ERICH3: variants seen among roughly 807,000 people sequenced by gnomAD.
The protein encoded by ERICH3 is glutamate rich 3, also known as glutamate-rich protein 3.
A neutral mutation model predicts 131.1 loss-of-function variants in ERICH3; 126 were observed. That is an observed-to-expected ratio of 0.96 (90% CI 0.83 to 1.11). The LOEUF (loss-of-function observed/expected upper bound fraction) is 1.11. ERICH3 is among the 50% of genes most tolerant of loss of function. ERICH3 has a pLI of 0.00. For synonymous variants in ERICH3, 695 were observed against 644.6 expected, an observed-to-expected ratio of 1.08 and a Z score of -1.18; for missense variants, 2,050 against 1,810.7, an observed-to-expected ratio of 1.13 and a Z score of -2.40.
chr1:74,598,310 C>T (rs1461663324), intron 11 of ERICH3, among the ~76,000 whole-genome samples: 1 of 151,678 alleles, frequency 6.6e-6, no homozygotes, highest in Non-Finnish European at 1.5e-5. Context: ...TTTAAAAAAA[C>T]TCATAAATTT....
At chr1:74,626,399 G>A (rs1649416397) in intron 7 of ERICH3, among the ~76,000 whole-genome samples, 1 of 152,152 alleles carries the variant, frequency 6.6e-6, no homozygotes, top group South Asian at 2.1e-4. Flanking sequence ...GGCTTATTTG[G>A]TACCTAGGAG....
upstream of ERICH3, among the ~76,000 whole-genome samples, chr1:74,674,273 A>G (rs1367368563): frequency 6.6e-6 from 1 of 152,116 alleles, no homozygotes; most frequent in Non-Finnish European, 1.5e-5. Context: ...GATGGGGGAG[A>G]CGCAGTTATT....
At chr1:74,645,788 A>T (rs534261210) in intron 3 of ERICH3, among the ~76,000 whole-genome samples, 3 of 152,278 alleles carry the variant, frequency 2.0e-5, no homozygotes, top group African/African-American at 7.2e-5. Context: ...GATCATACAC[A>T]TCTTAAGTGA....
chr1:74,612,918 G>A (rs1443145072), intron 8 of ERICH3, 109 bp from the exon 9 acceptor site: 1 of 952,374 alleles, frequency 1.1e-6, no homozygotes, highest in South Asian at 2.6e-5. Context: ...TAGATCAGGG[G>A]TGTCCAATCT....
chr1:74,576,416 C>T (rs1365373914), intron 13 of ERICH3, among the ~76,000 whole-genome samples: 1 of 152,126 alleles, frequency 6.6e-6, no homozygotes, highest in Non-Finnish European at 1.5e-5. Context: ...ATCATGGTGC[C>T]TCTCCTGTAA....
intron 12 of ERICH3, among the ~76,000 whole-genome samples, chr1:74,580,989 T>C (rs1647167396): frequency 6.6e-6 from 1 of 152,224 alleles, no homozygotes; most frequent in South Asian, 2.1e-4. Flanking sequence ...AACATAAATG[T>C]TTTGTCATAT....
intron 1 of ERICH3, among the ~76,000 whole-genome samples, chr1:74,672,089 G>C (rs1285828095): frequency 6.6e-6 from 1 of 152,088 alleles, no homozygotes; most frequent in Non-Finnish European, 1.5e-5. Flanking sequence ...TTAATCAATA[G>C]CTACATTTTT....
chr1:74,649,156 G>C (rs1269432179), intron 2 of ERICH3, 66 bp downstream of exon 2: 6 of 1,141,116 alleles, frequency 5.3e-6, no homozygotes, highest in Non-Finnish European at 7.5e-6. Context: ...GAGAAAGCCT[G>C]AAAAGGTAGG....
intron 11 of ERICH3, among the ~76,000 whole-genome samples, chr1:74,599,193 A>G (rs1433906221): frequency 6.6e-6 from 1 of 151,988 alleles, no homozygotes; most frequent in African/African-American, 2.4e-5. Flanking sequence ...TTTTCAATGT[A>G]ATTGGAACAC....
chr1:74,649,141 T>C, intron 2 of ERICH3, 81 bp downstream of exon 2: 1 of 954,610 alleles, frequency 1.0e-6, no homozygotes, highest in Non-Finnish European at 1.6e-6. Context: ...AAGATGTCAC[T>C]CAAAGAGAAA....
At chr1:74,604,435 T>C (rs960702124) in intron 10 of ERICH3, among the ~76,000 whole-genome samples, 28 of 151,984 alleles carry the variant, frequency 1.8e-4, no homozygotes, top group Non-Finnish European at 3.4e-4. Context: ...GCATCTAGAA[T>C]TGTGAATCCT....
At chr1:74,577,825 C>T (rs7522505) in intron 12 of ERICH3, among the ~76,000 whole-genome samples, 1,636 of 152,238 alleles carry the variant, frequency 0.011, 31 homozygotes, top group African/African-American at 0.037. Context: ...CTTCTAGGAA[C>T]GTGTGCTATG....
At chr1:74,607,801 G>A (rs1648475251) in intron 9 of ERICH3, among the ~76,000 whole-genome samples, 1 of 151,674 alleles carries the variant, frequency 6.6e-6, no homozygotes. Flanking sequence ...TTCTTAAGTT[G>A]ATATTAAAAT....
rs771741191 is a variant in ERICH3, at chr1:74,643,026, C to A, written c.315+1G>T. 6.2e-7 allele frequency: 1 copy of A among 1,602,324 alleles called. No homozygotes were observed. Among genetic ancestry groups the A allele is most frequent in the Non-Finnish European group, 8.5e-7 (1 of 1,171,392 alleles). On this transcript the variant is annotated splice_donor_variant, in intron 4 of 14. Transcript: ENST00000326665. LOFTEE classifies it high-confidence loss of function. ...TAAAAGAGAGTTATATAACTCCTTACCTTAAACCTCTGGATTCGCTCCTTC... is the reference window on the plus strand; with the variant it reads ...TAAAAGAGAGTTATATAACTCCTTAACTTAAACCTCTGGATTCGCTCCTTC...
At chr1:74,655,147 T>G (rs1270265665) in intron 1 of ERICH3, among the ~76,000 whole-genome samples, 1 of 152,178 alleles carries the variant, frequency 6.6e-6, no homozygotes, top group Non-Finnish European at 1.5e-5. Flanking sequence ...CACTAAAAAT[T>G]TCCTCAAAAG....
At chr1:74,666,446 CA>C (rs1287126414) in intron 1 of ERICH3, among the ~76,000 whole-genome samples, 1 of 152,132 alleles carries the variant, frequency 6.6e-6, no homozygotes, top group African/African-American at 2.4e-5. Flanking sequence ...GAAAGAGTCT[CA>C]GTAAGGTATG....
intron 11 of ERICH3, among the ~76,000 whole-genome samples, chr1:74,592,785 T>C (rs559495972): frequency 5.9e-5 from 9 of 152,274 alleles, no homozygotes; most frequent in African/African-American, 2.2e-4. Flanking sequence ...CCTAACCTCA[T>C]GCTATAATTT....
chr1:74,599,427 G>A (rs1648012761), intron 11 of ERICH3, among the ~76,000 whole-genome samples: 1 of 151,846 alleles, frequency 6.6e-6, no homozygotes, highest in Non-Finnish European at 1.5e-5. Context: ...GCCTATTGAA[G>A]GGTGGAGCAT....
Position 74,573,423 on chromosome 1 carries a change from C to A in ERICH3, c.2287G>T (p.Val763Leu). Reference protein sequence around the residue: ...INSNKESQQLVQKTYTLEKKE... With the variant: ...INSNKESQQLLQKTYTLEKKE... ...TTCTCCAGTGTATACGTTTTTTGCA[C>A]CAATTGCTGGGATTCCTTGTTTGAG... The change falls in exon 14 of 15, where the codon GTG (valine) becomes TTG (leucine). Residue 763 changes from valine to leucine, a missense_variant. By Grantham distance (32) the Val-to-Leu change is conservative. Transcript: ENST00000326665. 1 of 1,573,834 alleles carries A rather than the reference C, an allele frequency of 6.4e-7. No homozygotes were observed. The highest frequency in any genetic ancestry group is 1.4e-5 in the African/African-American group (1 of 72,736).
Sources: gnomAD v4.1 joint callset for allele counts (sites outside exome capture counted in the v4.1 genomes callset) on GRCh38, gnomAD v4.1.1 for gene constraint, MANE v1.5 for transcripts, NCBI Gene and HGNC (gene_info 2026-07-23, HGNC 2026-07-21) for gene names.